Variants in DYNC2H1 observed in about 807,000 individuals in gnomAD.
DYNC2H1 encodes dynein cytoplasmic 2 heavy chain 1, also known as cytoplasmic dynein 2 heavy chain 1.
Under a neutral mutation model 570.0 loss-of-function variants are expected in DYNC2H1, and 410 were observed. That is an observed-to-expected ratio of 0.72 (90% CI 0.66 to 0.78). The LOEUF is 0.78. Among genes scored for constraint, DYNC2H1 ranks in the 30% least tolerant of loss-of-function variants. DYNC2H1 has a pLI of 0.00. For synonymous variants in DYNC2H1, 1,688 were observed against 1,677.6 expected (o/e 1.01, Z -0.15); for missense variants, 4,865 against 5,046.4 (o/e 0.96, Z 1.09).
rs1940765647 is a variant in DYNC2H1, at chr11:103,363,693, T to G, written c.12156+5334T>G. On this transcript the variant is annotated intron_variant, in intron 83 of 88. Coordinates refer to ENST00000375735, the MANE Select transcript of DYNC2H1 (RefSeq NM_001377.3). The surrounding 1 kb of genome is among the most constrained non-coding windows in gnomAD (Gnocchi z 5.6). ...GAGATCCTGAAATGTTTCTAGTGAT[T>G]AAAGGGATTGGAAAATATAAATTAA... is the stretch of plus-strand genomic sequence containing the variant. 2.6e-5 allele frequency among the ~76,000 whole-genome samples: 4 copies of G among 152,188 alleles called. No individual in the cohort carries two copies. Among genetic ancestry groups the G allele is most frequent in the Admixed American group, 2.6e-4 (4 of 15,278 alleles).
intron 83 of DYNC2H1, among the ~76,000 whole-genome samples, chr11:103,396,519 G>A (rs1358728814): frequency 1.3e-5 from 2 of 152,154 alleles, no homozygotes; most frequent in African/African-American, 4.8e-5. Flanking sequence ...GTACTCTGCT[G>A]ACAAAAATTC....
rs1007771010 is a variant in DYNC2H1 at position 103,244,855 on chromosome 11, C to T, written c.9919-396C>T. Among the ~76,000 whole-genome samples, 1 of 150,310 alleles carries T rather than the reference C, an allele frequency of 6.7e-6. No individual in the cohort carries two copies. Among genetic ancestry groups the T allele is most frequent in the Non-Finnish European group, 1.5e-5 (1 of 67,508 alleles). On this transcript the variant is annotated intron_variant, in intron 64 of 88. Coordinates refer to ENST00000375735, the MANE Select transcript of DYNC2H1 (RefSeq NM_001377.3). The surrounding 1 kb of genome is among the most constrained non-coding windows in gnomAD (Gnocchi z 4.3). ...ATAGTTACTTTTATATATATGTACACACACACATATATATATACACACACA... is the reference window on the plus strand; with the variant it reads ...ATAGTTACTTTTATATATATGTACATACACACATATATATATACACACACA...
chr11:103,412,250 A>T (rs1482557464), intron 84 of DYNC2H1, among the ~76,000 whole-genome samples: 1 of 152,130 alleles, frequency 6.6e-6, no homozygotes, highest in African/African-American at 2.4e-5. Context: ...CATTTTCTTT[A>T]CTATGTGTGA....
Position 103,170,688 on chromosome 11 carries a change from C to T in DYNC2H1, c.5152-198C>T, listed in dbSNP as rs1861531179. On this transcript the variant is annotated intron_variant, in intron 33 of 88. Transcript: ENST00000375735. This position sits in a 1 kb window ranked among gnomAD's most constrained non-coding sequence, Gnocchi z 4.8. ...TTCTGCAAGCTTTTTAGAACACTTT[C>T]ACATGCATTATTTTGTTTATCCCTT... Among the ~76,000 whole-genome samples, 1 of 152,162 alleles carries T rather than the reference C, an allele frequency of 6.6e-6. No individual in the cohort carries two copies. Among genetic ancestry groups the T allele is most frequent in the Admixed American group, 6.6e-5 (1 of 15,264 alleles).
At chr11:103,454,259 ATTACTGAGTAAATGAGGATTC>A (rs1299616423) in intron 85 of DYNC2H1, among the ~76,000 whole-genome samples, 2 of 152,160 alleles carry the variant, frequency 1.3e-5, no homozygotes, top group African/African-American at 2.4e-5. Flanking sequence ...TGCAAAATGA[ATTACTGAGTAAATGAGGATTC>A]TGTACGTTTT....
At chr11:103,474,764 T>A (rs1945501649) in intron 88 of DYNC2H1, among the ~76,000 whole-genome samples, 1 of 152,210 alleles carries the variant, frequency 6.6e-6, no homozygotes, top group Admixed American at 6.5e-5. Flanking sequence ...ATCCTAGATA[T>A]GTATGTTTAG....
intron 5 of DYNC2H1, among the ~76,000 whole-genome samples, chr11:103,117,338 T>G (rs1024197728): frequency 2.0e-5 from 3 of 150,070 alleles, no homozygotes; most frequent in Admixed American, 6.7e-5. Context: ...TGCAGGTTTG[T>G]TACATATGTA....
At position 103,236,559 on chromosome 11, in the gene DYNC2H1, T is replaced by A. The variant is rs1489249311; in HGVS notation, c.9819+20T>A. ...TTACAGGTAGTTAATTTATTTTAATTTTTTTATTAGAAATGTTTTATTGTC... is the reference window on the plus strand; with the variant it reads ...TTACAGGTAGTTAATTTATTTTAATATTTTTATTAGAAATGTTTTATTGTC... On this transcript the variant is annotated intron_variant, in intron 63 of 88. Coordinates refer to ENST00000375735, the MANE Select transcript of DYNC2H1 (RefSeq NM_001377.3). 1 of 1,332,496 alleles carries A rather than the reference T, an allele frequency of 7.5e-7. No individual in the cohort carries two copies. Among genetic ancestry groups the A allele is most frequent in the East Asian group, 2.4e-5 (1 of 41,704 alleles). 82.5% of individuals were successfully genotyped at this position (1,332,496 alleles called of 1,614,324 possible). A position where few individuals can be genotyped will look rare whatever the true frequency, so the allele number is the denominator to read the frequency against.
Position 103,186,391 on chromosome 11 carries a change from A to T in DYNC2H1, c.6783A>T (p.Pro2261=). Residue 2261 remains proline, a synonymous_variant, in exon 42 of 89, where the codon CCA becomes CCT. Coordinates refer to ENST00000375735, the MANE Select transcript of DYNC2H1 (RefSeq NM_001377.3). This position sits in a 1 kb window ranked among gnomAD's most constrained non-coding sequence, Gnocchi z 4.5. ...ATTTCAGTAACGGCTTAACTCTTCC[A>T]GTCATTCAGACTCCTGACATGCAAC... The part of the protein sequence containing the change: ...ADDFSNGLTL[P]VIQTPDMQRG... 7 of 1,612,968 alleles carry T rather than the reference A, an allele frequency of 4.3e-6. No homozygotes were observed. The highest frequency in any genetic ancestry group is 5.9e-6 in the Non-Finnish European group (7 of 1,179,242).
Position 103,181,922 on chromosome 11 carries a change from T to G in DYNC2H1, c.6477+36T>G, listed in dbSNP as rs1861866179. ...CATAATATTTCATAATTAATCGAGGTGAGAAGTATGATTAAGAGTGATGCT... is the reference window on the plus strand; with the variant it reads ...CATAATATTTCATAATTAATCGAGGGGAGAAGTATGATTAAGAGTGATGCT... On this transcript the variant is annotated intron_variant, in intron 40 of 88. Coordinates refer to ENST00000375735, the MANE Select transcript of DYNC2H1 (RefSeq NM_001377.3). The surrounding 1 kb of genome is among the most constrained non-coding windows in gnomAD (Gnocchi z 5.0). 2 of 1,584,954 alleles carry G rather than the reference T, an allele frequency of 1.3e-6. No individual in the cohort carries two copies. The highest frequency in any genetic ancestry group is 1.3e-5 in the African/African-American group (1 of 74,164).
chr11:103,288,891 AAAAAAG>A (rs1866471485), intron 75 of DYNC2H1, among the ~76,000 whole-genome samples: 2 of 150,276 alleles, frequency 1.3e-5, no homozygotes, highest in African/African-American at 4.9e-5. Context: ...AAAAAAAAAA[AAAAAAG>A]AAAGAAAATT....
chr11:103,443,277 T>C (rs1944326879), intron 85 of DYNC2H1, among the ~76,000 whole-genome samples: 1 of 152,060 alleles, frequency 6.6e-6, no homozygotes, highest in African/African-American at 2.4e-5. Context: ...TTTGCTGATT[T>C]TCCATTCTCT....
chr11:103,250,430 C>T (rs1864784021), intron 65 of DYNC2H1, among the ~76,000 whole-genome samples: 1 of 152,008 alleles, frequency 6.6e-6, no homozygotes, highest in African/African-American at 2.4e-5. Flanking sequence ...TGTGTTTGGA[C>T]TCCTATTGAT....
Position 103,178,022 on chromosome 11 carries a change from A to G in DYNC2H1, c.6139+202A>G, listed in dbSNP as rs188677365. 8.5e-5 allele frequency among the ~76,000 whole-genome samples: 13 copies of G among 152,250 alleles called. No individual in the cohort carries two copies. The East Asian group carries it at 2.5e-3, about 29-fold the overall frequency. On this transcript the variant is annotated intron_variant, in intron 38 of 88. Transcript: ENST00000375735. ...GTTAAACTCTGTAACTATTTTTAATATAATAGAAACTTAGAGTAAGTTGGG... is the reference window on the plus strand; with the variant it reads ...GTTAAACTCTGTAACTATTTTTAATGTAATAGAAACTTAGAGTAAGTTGGG...
At chr11:103,169,146 T>G (rs1861462864) in intron 32 of DYNC2H1, among the ~76,000 whole-genome samples, 186 bp downstream of exon 32, 1 of 152,144 alleles carries the variant, frequency 6.6e-6, no homozygotes, top group African/African-American at 2.4e-5. Context: ...TCATTCTATA[T>G]ACAAAAAAGT....
chr11:103,343,089 T>A (rs549893733), intron 82 of DYNC2H1, among the ~76,000 whole-genome samples: 1 of 152,162 alleles, frequency 6.6e-6, no homozygotes, highest in East Asian at 1.9e-4. Flanking sequence ...CCTGACTCTT[T>A]GGAGTTGGGA....
intron 13 of DYNC2H1, among the ~76,000 whole-genome samples, chr11:103,130,997 T>C (rs1239493548): frequency 6.6e-6 from 1 of 152,194 alleles, no homozygotes; most frequent in Non-Finnish European, 1.5e-5. Context: ...CAGTAAGTGA[T>C]ATATAGTAAT....
At chr11:103,317,365 A>AT (rs1331787018) in intron 80 of DYNC2H1, among the ~76,000 whole-genome samples, 1 of 134,460 alleles carries the variant, frequency 7.4e-6, no homozygotes, top group Non-Finnish European at 1.7e-5. Flanking sequence ...GTCACCTTGG[A>AT]TTCTTTTTTT....
At chr11:103,401,317 A>G (rs1267529875) in intron 84 of DYNC2H1, among the ~76,000 whole-genome samples, 1 of 152,174 alleles carries the variant, frequency 6.6e-6, no homozygotes, top group African/African-American at 2.4e-5. Context: ...ATCCAACTAT[A>G]TGCCGTACAG....
Sources: allele counts gnomAD v4.1 joint callset (sites outside exome capture counted in the v4.1 genomes callset), GRCh38; gene constraint gnomAD v4.1.1; non-coding constraint Gnocchi (gnomAD v3.1); transcripts MANE v1.5; gene names NCBI Gene and HGNC (gene_info 2026-07-23, HGNC 2026-07-21).